Variants in FSHR observed in about 807,000 individuals in gnomAD.
The protein encoded by FSHR is follicle-stimulating hormone receptor.
A neutral mutation model predicts 52.1 loss-of-function variants in FSHR; 46 were observed. The ratio of observed to expected loss-of-function variants is 0.88; its 90% confidence interval spans 0.70 to 1.13. The LOEUF (loss-of-function observed/expected upper bound fraction) is 1.13. Ranked by LOEUF, FSHR falls within the 50% of genes most tolerant of loss-of-function variation. The probability of loss-of-function intolerance (pLI) is 0.00; values close to 1 mark genes in which losing one functional copy is unlikely to be tolerated. For missense variants in FSHR, 964 were observed against 834.6 expected (o/e 1.16, Z -1.91); for synonymous variants, 399 against 309.6 (o/e 1.29, Z -3.03).
At chr2:48,985,086 A>T (rs937712057) in intron 6 of FSHR, among the ~76,000 whole-genome samples, 1 of 148,104 alleles carries the variant, frequency 6.8e-6, no homozygotes, top group African/African-American at 2.5e-5. Context: ...TAAGAGAGGA[A>T]GTACCTATTT....
intron 2 of FSHR, among the ~76,000 whole-genome samples, chr2:49,029,191 C>G (rs1011420291): frequency 1.3e-5 from 2 of 152,206 alleles, no homozygotes; most frequent in Non-Finnish European, 2.9e-5. Flanking sequence ...GGAGACTACT[C>G]TTCTTCAGTG....
intron 3 of FSHR, among the ~76,000 whole-genome samples, chr2:49,019,523 A>G (rs1419090087): frequency 6.6e-6 from 1 of 152,194 alleles, no homozygotes; most frequent in East Asian, 1.9e-4. Context: ...TAGTAGAGGA[A>G]CCAAGGATCA....
chr2:49,110,248 A>G (rs950431691), intron 1 of FSHR, among the ~76,000 whole-genome samples: 3 of 152,174 alleles, frequency 2.0e-5, no homozygotes, highest in African/African-American at 7.2e-5. Context: ...TGAAGTAGGA[A>G]CAATCTCCAT....
intron 1 of FSHR, among the ~76,000 whole-genome samples, chr2:49,152,388 C>G (rs977129794): frequency 6.6e-6 from 1 of 152,110 alleles, no homozygotes; most frequent in Non-Finnish European, 1.5e-5. Context: ...GTCATTTATA[C>G]CTTAGCATTA....
chr2:49,111,003 G>T (rs1671402947), intron 1 of FSHR, among the ~76,000 whole-genome samples: 1 of 152,178 alleles, frequency 6.6e-6, no homozygotes, highest in Non-Finnish European at 1.5e-5. Context: ...AATGGAATCA[G>T]TTCTTTAAAT....
chr2:49,056,046 T>G (rs1669050111), intron 2 of FSHR, among the ~76,000 whole-genome samples: 1 of 151,626 alleles, frequency 6.6e-6, no homozygotes, highest in Admixed American at 6.6e-5. Flanking sequence ...ACCACCTAAT[T>G]GCAATAATTA....
intron 1 of FSHR, among the ~76,000 whole-genome samples, chr2:49,130,345 T>C (rs1672219313): frequency 6.6e-6 from 1 of 152,122 alleles, no homozygotes; most frequent in Admixed American, 6.6e-5. Context: ...TGTCCTGGGG[T>C]AAATCGCTTA....
At chr2:49,020,197 G>A (rs755948857) in intron 2 of FSHR, 37 bp from the exon 3 acceptor site, 12 of 1,508,372 alleles carry the variant, frequency 8.0e-6, no homozygotes, top group South Asian at 1.1e-5. Context: ...AGCCAGTTCA[G>A]TTACACTCCT....
chr2:49,084,819 C>A (rs1448979173), intron 1 of FSHR, among the ~76,000 whole-genome samples: 2 of 152,088 alleles, frequency 1.3e-5, no homozygotes, highest in Non-Finnish European at 2.9e-5. Flanking sequence ...TCTGAATAGA[C>A]CAATAACAGG....
rs747839893 is a variant in FSHR, at chr2:49,068,249, G to A, written c.194C>T (p.Ala65Val). Residue 65 changes from alanine to valine, a missense_variant, in exon 2 of 10, where the codon GCA becomes GTA. Coordinates refer to ENST00000406846, the MANE Select transcript of FSHR (RefSeq NM_000145.4). ...CTCCAGGTCCCCAAATCCTGAAAAT[G>A]CACCTTTTTGGATGACTCGAAGCTT... ...LTKLRVIQKG[A>V]FSGFGDLEKI... 1.2e-6 allele frequency: 2 copies of A among 1,611,212 alleles called. No homozygotes were observed. The highest frequency in any genetic ancestry group is 1.7e-6 in the Non-Finnish European group (2 of 1,178,600).
intron 1 of FSHR, among the ~76,000 whole-genome samples, chr2:49,115,450 A>G (rs1441598101): frequency 6.6e-6 from 1 of 152,178 alleles, no homozygotes; most frequent in Non-Finnish European, 1.5e-5. Flanking sequence ...TAGACTGTGT[A>G]ATCTCGTAAA....
At chr2:49,025,072 C>T (rs546699128) in intron 2 of FSHR, among the ~76,000 whole-genome samples, 1 of 152,182 alleles carries the variant, frequency 6.6e-6, no homozygotes, top group Non-Finnish European at 1.5e-5. Flanking sequence ...AAAGATTTTC[C>T]ACCTTTGCTT....
intron 1 of FSHR, among the ~76,000 whole-genome samples, chr2:49,075,654 G>A (rs890792264): frequency 6.6e-6 from 1 of 151,848 alleles, no homozygotes; most frequent in African/African-American, 2.4e-5. Context: ...TTTTGAGACA[G>A]TCTTGCTCTG....
intron 1 of FSHR, among the ~76,000 whole-genome samples, chr2:49,094,604 T>C (rs1407020789): frequency 6.6e-6 from 1 of 152,134 alleles, no homozygotes; most frequent in Admixed American, 6.6e-5. Flanking sequence ...CATTTAGAAC[T>C]TTAAAATGTT....
intron 1 of FSHR, among the ~76,000 whole-genome samples, chr2:49,071,666 A>C (rs1669736458): frequency 6.6e-6 from 1 of 151,498 alleles, no homozygotes; most frequent in African/African-American, 2.4e-5. Flanking sequence ...ATTTATAAAG[A>C]AAAAGTTTAT....
At chr2:49,021,456 C>A (rs1667693701) in intron 2 of FSHR, among the ~76,000 whole-genome samples, 1 of 152,132 alleles carries the variant, frequency 6.6e-6, no homozygotes, top group Non-Finnish European at 1.5e-5. Flanking sequence ...AGCATGCATT[C>A]AAACTGGCTG....
chr2:49,055,435 G>T (rs1186925253), intron 2 of FSHR, among the ~76,000 whole-genome samples: 1 of 146,170 alleles, frequency 6.8e-6, no homozygotes, highest in South Asian at 2.2e-4. Context: ...AGAAGGAGAA[G>T]AGAAAGGAAA....
chr2:49,098,916 C>T (rs1670925832), intron 1 of FSHR, among the ~76,000 whole-genome samples: 1 of 143,470 alleles, frequency 7.0e-6, no homozygotes, highest in Admixed American at 7.2e-5. Context: ...TGTATGTATA[C>T]ATATATATCT....
At position 49,141,678 on chromosome 2, in the gene FSHR, C is replaced by A. The variant is rs1168800172; in HGVS notation, c.152+12588G>T. Among the ~76,000 whole-genome samples the A allele has an allele frequency of 2.0e-5, 3 of 152,224 alleles. No individual in the cohort carries two copies. In the East Asian group the frequency reaches 5.8e-4, roughly 29 times the overall value. ...CTGGGTACAGGAGAAGAGTGCAGTGCTAATCTTCAGCTTACTATATATGGG... is the reference window on the plus strand; with the variant it reads ...CTGGGTACAGGAGAAGAGTGCAGTGATAATCTTCAGCTTACTATATATGGG... On this transcript the variant is annotated intron_variant, in intron 1 of 9. Coordinates refer to ENST00000406846, the MANE Select transcript of FSHR (RefSeq NM_000145.4).
Sources: gnomAD v4.1 joint callset for allele counts (sites outside exome capture counted in the v4.1 genomes callset) on GRCh38, gnomAD v4.1.1 for gene constraint, MANE v1.5 for transcripts, NCBI Gene and HGNC (gene_info 2026-07-23, HGNC 2026-07-21) for gene names.